MBD6: variants seen among roughly 807,000 people sequenced by gnomAD.
MBD6 encodes methyl-CpG binding domain protein 6, also known as methyl-CpG-binding domain protein 6.
MBD6 carries 22 observed loss-of-function variants against 66.8 expected under a neutral mutation model. The observed-to-expected ratio is 0.33, with a 90% confidence interval of 0.24 to 0.47. MBD6 has a LOEUF of 0.47. Ranked by LOEUF, MBD6 falls within the 20% of genes least tolerant of loss-of-function variation. MBD6 has a pLI of 1.00. For synonymous variants in MBD6, 540 were observed against 534.6 expected (o/e 1.01, Z -0.14); for missense variants, 1,322 against 1,286.9 (o/e 1.03, Z -0.42).
rs1411614668 is a variant in MBD6, at chr12:57,526,570, C to T, written c.1425C>T (p.Ala475=). Reference sequence around the variant, plus strand: ...AATTTCTCTCCTCTTTTACAGGTGCCCCTGCCCCACCAGCTGCCTCCAAAG... The same window carrying T: ...AATTTCTCTCCTCTTTTACAGGTGCTCCTGCCCCACCAGCTGCCTCCAAAG... ...TSGSLSSVPG[A]PAPPAASKAP... Residue 475 remains alanine (A), a synonymous_variant, in exon 7 of 13, where the codon GCC becomes GCT. Coordinates refer to ENST00000355673, the MANE Select transcript of MBD6 (RefSeq NM_052897.4). 1 of 1,511,742 alleles carries T rather than the reference C, an allele frequency of 6.6e-7. No individual in the cohort carries two copies. Among genetic ancestry groups the T allele is most frequent in the South Asian group, 1.4e-5 (1 of 73,530 alleles). 93.6% of individuals were successfully genotyped at this position (1,511,742 alleles called of 1,614,324 possible). A position where few individuals can be genotyped will look rare whatever the true frequency, so the allele number is the denominator to read the frequency against.
At position 57,528,830 on chromosome 12, in the gene MBD6, T is replaced by C; in HGVS notation, c.2873+112T>C. ...TCAAAAGGGCAGATTCTTATTTGAA[T>C]ATGAATAAGGATATTATGCCTTTAC... On this transcript the variant is annotated intron_variant, in intron 11 of 12. Transcript: ENST00000355673. 4 of 1,595,620 alleles carry C rather than the reference T, an allele frequency of 2.5e-6. No individual in the cohort carries two copies. The South Asian group carries it at 3.4e-5, about 13-fold the overall frequency.
chr12:57,521,830 C>G (rs1160936299), upstream of MBD6: 1 of 152,232 alleles, frequency 6.6e-6, no homozygotes, highest in Non-Finnish European at 1.5e-5. Flanking sequence ...AGTCTCATCC[C>G]GGGACGTGTG....
At chr12:57,527,371 C>G (rs1179171875) in intron 7 of MBD6, 136 bp from the exon 8 acceptor site, 1 of 1,215,398 alleles carries the variant, frequency 8.2e-7, no homozygotes, top group Non-Finnish European at 1.2e-6. Flanking sequence ...GGTAGGATGA[C>G]TGCAAGAATT....
intron 6 of MBD6, 52 bp downstream of exon 6, chr12:57,526,440 A>T: frequency 6.5e-7 from 1 of 1,531,050 alleles, no homozygotes; most frequent in Non-Finnish European, 8.8e-7. Flanking sequence ...AGAGGCAGCC[A>T]AGGCATTTAG....
In MBD6 at chr12:57,529,017, T is replaced by C. The variant is rs774264394; in HGVS notation, c.2937+8T>C. The stretch of plus-strand genomic sequence containing the variant: ...CCCAGCCCTACAGCCCGAGTAAGTG[T>C]GTGTTTGGGTGGATGGGTGGATGGG... On this transcript the variant is annotated splice_region_variant and intron_variant, in intron 12 of 12. Transcript: ENST00000355673. The C allele has an allele frequency of 6.2e-7, 1 of 1,613,468 alleles. No homozygotes were observed. Among genetic ancestry groups the C allele is most frequent in the East Asian group, 2.2e-5 (1 of 44,858 alleles).
rs966397676 is a variant in MBD6, at chr12:57,526,881, C to T, written c.1736C>T (p.Pro579Leu). Reference sequence around the variant, plus strand: ...CCTCCCCCTGAGCCCCTGCTACCCCCACCAGGAGGACCTGGTCCTCCCCTA... The same window carrying T: ...CCTCCCCCTGAGCCCCTGCTACCCCTACCAGGAGGACCTGGTCCTCCCCTA... The part of the protein sequence containing the change: ...GQPPPEPLLP[P>L]PGGPGPPLAP... The change falls in exon 7 of 13, where the codon CCA becomes CTA. Residue 579 changes from proline to leucine, a missense_variant. Coordinates refer to ENST00000355673, the MANE Select transcript of MBD6 (RefSeq NM_052897.4). The T allele has an allele frequency of 6.2e-7, 1 of 1,613,510 alleles. No individual in the cohort carries two copies. The highest frequency in any genetic ancestry group is 1.3e-5 in the African/African-American group (1 of 74,894).
rs767110785 is a variant in MBD6, at chr12:57,525,961, G to T, written c.993G>T (p.Gln331His). The T allele has an allele frequency of 3.7e-6, 6 of 1,612,998 alleles. No homozygotes were observed. Among genetic ancestry groups the T allele is most frequent in the Admixed American group, 3.3e-5 (2 of 59,988 alleles). ...SSLLSAAAKA[Q>H]HPPLPPPSTL... ...TACTCTCTGCAGCGGCCAAGGCACA[G>T]CATCCCCCACTACCCCCTCCCAGCA... Residue 331 changes from glutamine to histidine, a missense_variant, in exon 6 of 13, where the codon CAG becomes CAT. By Grantham distance (24) the Gln-to-His change is conservative. Transcript: ENST00000355673.
Position 57,528,712 on chromosome 12 carries a change from A to C in MBD6, c.2867A>C (p.Lys956Thr). The change falls in exon 11 of 13, where the codon AAA becomes ACA. Residue 956 changes from lysine to threonine, a missense_variant. Physicochemically the swap from Lys to Thr is moderately conservative, Grantham distance 78. Coordinates refer to ENST00000355673, the MANE Select transcript of MBD6 (RefSeq NM_052897.4). Reference protein sequence around the residue: ...VRKSRRGRRRKYNPTRNSNSS... With the variant: ...VRKSRRGRRRTYNPTRNSNSS... ...AAGTCTCGTCGTGGCCGTAGGAGAAAATACAAGTGAGTGTTGGGCCTACTA... is the reference window on the plus strand; with the variant it reads ...AAGTCTCGTCGTGGCCGTAGGAGAACATACAAGTGAGTGTTGGGCCTACTA... The C allele has an allele frequency of 6.2e-7, 1 of 1,614,174 alleles. No homozygotes were observed. Among genetic ancestry groups the C allele is most frequent in the Non-Finnish European group, 8.5e-7 (1 of 1,180,016 alleles).
intron 6 of MBD6, 49 bp from the exon 7 acceptor site, chr12:57,526,517 G>A: frequency 1.3e-6 from 2 of 1,512,778 alleles, no homozygotes; most frequent in African/African-American, 2.8e-5. Flanking sequence ...TTCTTTGGAT[G>A]ATGGGAGAAA....
At chr12:57,531,010 A>G (rs1402411696), downstream of MBD6, among the ~76,000 whole-genome samples, 2 of 152,238 alleles carry the variant, frequency 1.3e-5, no homozygotes, top group African/African-American at 2.4e-5. Flanking sequence ...CAGCCAGAAC[A>G]GTTTTTTAAA....
At chr12:57,525,241 G>C in intron 5 of MBD6, 107 bp from the exon 6 acceptor site, 1 of 1,481,548 alleles carries the variant, frequency 6.7e-7, no homozygotes, top group Non-Finnish European at 9.1e-7. Context: ...CATGTTGAAA[G>C]GAGGGCACAG....
chr12:57,527,216 A>G lies in MBD6; in HGVS notation c.2071A>G (p.Thr691Ala). ...TGCCACCCTGGATCCCCCCTCGGGG[A>G]CACCCCCCCAGGTGAGGATGGGGGT... The part of the protein sequence containing the change: ...LAATLDPPSG[T>A]PPQPCVLSAP... Residue 691 changes from threonine (T) to alanine (A), a missense_variant, in exon 7 of 13, where the codon ACA becomes GCA. Transcript: ENST00000355673. 3 of 1,500,686 alleles carry G rather than the reference A, an allele frequency of 2.0e-6. No individual in the cohort carries two copies. The highest frequency in any genetic ancestry group is 2.7e-6 in the Non-Finnish European group (3 of 1,126,784). The allele number at this position is 1,500,686 out of a possible 1,614,324, so 93.0% of individuals were successfully genotyped here. A position where few individuals can be genotyped will look rare whatever the true frequency, so the allele number is the denominator to read the frequency against.
Position 57,527,572 on chromosome 12 carries a change from C to T in MBD6, c.2148C>T (p.Asp716=), listed in dbSNP as rs765813799. 2.5e-6 allele frequency: 4 copies of T among 1,613,968 alleles called. No homozygotes were observed. The highest frequency in any genetic ancestry group is 3.4e-6 in the Non-Finnish European group (4 of 1,180,024). Residue 716 remains aspartate (D), a synonymous_variant, in exon 8 of 13, where the codon GAC becomes GAT. Coordinates refer to ENST00000355673, the MANE Select transcript of MBD6 (RefSeq NM_052897.4). ...PTSSVTTATT[D]PGASSLGKAP... ...CCAGTGTCACCACGGCAACTACTGA[C>T]CCGGGGGCCTCCTCTCTGGGCAAGG...
At position 57,524,819 on chromosome 12, in the gene MBD6, C is replaced by T. The variant is rs1420870822; in HGVS notation, c.213C>T (p.Pro71=). ...GTCTGGAGTGTCCACTTAATGTCCC[C>T]AAGGTCAGAGTGGTGAGGGGCGCCT... ...KCGLECPLNV[P]KVFNFDPLAP... The change falls in exon 4 of 13, where the codon CCC becomes CCT. Residue 71 remains proline, a synonymous_variant. Transcript: ENST00000355673. 1.4e-5 allele frequency: 23 copies of T among 1,614,036 alleles called. 1 individual carries two copies. The highest frequency in any genetic ancestry group is 1.6e-5 in the Non-Finnish European group (19 of 1,179,982).
At chr12:57,524,846 A>G (rs1279029255) in intron 4 of MBD6, 24 bp downstream of exon 4, 2 of 1,613,800 alleles carry the variant, frequency 1.2e-6, no homozygotes, top group East Asian at 2.2e-5. Flanking sequence ...GGGGCGCCTG[A>G]GAGTACAGAG....
rs759077836 is a variant in MBD6 at position 57,528,506 on chromosome 12, G to T, written c.2766G>T (p.Gly922=). The change falls in exon 10 of 13, where the codon GGG becomes GGT. Residue 922 remains glycine (G), a synonymous_variant. Transcript: ENST00000355673. ...AGCATAATGGGGAGCTGGCTGAAGG[G>T]GGTGCTGAGCCCAAGGATCCACCCC... ...HWQHNGELAE[G]GAEPKDPPPP... 8 of 1,613,942 alleles carry T rather than the reference G, an allele frequency of 5.0e-6. No individual in the cohort carries two copies. The highest frequency in any genetic ancestry group is 6.8e-6 in the Non-Finnish European group (8 of 1,179,946).
chr12:57,526,863 C>G lies in MBD6; in HGVS notation c.1718C>G (p.Pro573Arg). The G allele has an allele frequency of 3.1e-6, 5 of 1,613,540 alleles. 1 individual carries two copies. The South Asian group carries it at 5.5e-5, about 18-fold the overall frequency. Residue 573 changes from proline (P) to arginine (R), a missense_variant, in exon 7 of 13, where the codon CCT becomes CGT. Pro to Arg is a moderately radical substitution (Grantham distance 103). Coordinates refer to ENST00000355673, the MANE Select transcript of MBD6 (RefSeq NM_052897.4). Reference sequence around the variant, plus strand: ...ACTGGGGGAGGAGGACAACCTCCCCCTGAGCCCCTGCTACCCCCACCAGGA... The same window carrying G: ...ACTGGGGGAGGAGGACAACCTCCCCGTGAGCCCCTGCTACCCCCACCAGGA... ...VLTGGGGQPP[P>R]EPLLPPPGGP...
chr12:57,524,021 C>T lies in MBD6; in HGVS notation c.-88-8C>T, dbSNP rs1015774531. The T allele has an allele frequency of 1.8e-5, 5 of 270,550 alleles. No individual in the cohort carries two copies. Among genetic ancestry groups the T allele is most frequent in the African/African-American group, 6.6e-5 (3 of 45,210 alleles). 16.8% of individuals were successfully genotyped at this position (270,550 alleles called of 1,614,324 possible). A position where few individuals can be genotyped will look rare whatever the true frequency, so the allele number is the denominator to read the frequency against. ...CCTGACAGTCCCATCTCTCTACTTG[C>T]GTTGCAGGTGTGGGCTAAGCTGGTG... On this transcript the variant is annotated splice_polypyrimidine_tract_variant and splice_region_variant and intron_variant, in intron 1 of 12. Transcript: ENST00000355673.
intron 1 of MBD6, chr12:57,523,237 A>T (rs1240895830): frequency 6.8e-6 from 1 of 146,544 alleles, no homozygotes; most frequent in Admixed American, 6.8e-5. Flanking sequence ...GTTCCTTCCT[A>T]CTTCGTGCGC....
Sources: allele counts gnomAD v4.1 joint callset (sites outside exome capture counted in the v4.1 genomes callset), GRCh38; gene constraint gnomAD v4.1.1; transcripts MANE v1.5; gene names NCBI Gene and HGNC (gene_info 2026-07-23, HGNC 2026-07-21).